Variants in WDPCP observed in about 807,000 individuals in gnomAD.
WDPCP encodes WD repeat-containing and planar cell polarity effector protein fritz homolog.
WDPCP carries 71 observed loss-of-function variants against 93.1 expected under a neutral mutation model. The ratio of observed to expected loss-of-function variants is 0.76; its 90% CI spans 0.63 to 0.93. The LOEUF (loss-of-function observed/expected upper bound fraction) is 0.93, where lower values mean the gene tolerates loss of function less well. Among genes scored for constraint, WDPCP ranks in the 40% least tolerant of loss-of-function variants. The pLI is 0.00. For synonymous variants in WDPCP, 315 were observed against 315.0 expected (o/e 1.00, Z 0.00); for missense variants, 844 against 887.4 (o/e 0.95, Z 0.62).
intron 10 of WDPCP, among the ~76,000 whole-genome samples, chr2:63,402,774 A>G (rs1694251961): frequency 6.6e-6 from 1 of 152,224 alleles, no homozygotes; most frequent in Non-Finnish European, 1.5e-5. Context: ...AAGTAAAAAA[A>G]TAACAGATGC....
intron 13 of WDPCP, among the ~76,000 whole-genome samples, chr2:63,300,395 G>A (rs1685235181): frequency 6.6e-6 from 1 of 152,150 alleles, no homozygotes; most frequent in African/African-American, 2.4e-5. Context: ...CTTTCCTTCT[G>A]AGGCTCTCAG....
At chr2:63,189,827 T>C (rs191604588) in intron 14 of WDPCP, among the ~76,000 whole-genome samples, 6 of 152,304 alleles carry the variant, frequency 3.9e-5, no homozygotes, top group Admixed American at 3.9e-4. Context: ...TCTATTAACA[T>C]ACTTATTTTC....
chr2:63,599,158 C>T, intron 3 of WDPCP: 3 of 1,612,106 alleles, frequency 1.9e-6, no homozygotes, highest in Non-Finnish European at 2.5e-6. Context: ...CAGTGCCTTC[C>T]ATTCCTCCTA....
intron 6 of WDPCP, among the ~76,000 whole-genome samples, chr2:63,465,027 A>T (rs1699252218): frequency 6.6e-6 from 1 of 152,124 alleles, no homozygotes; most frequent in South Asian, 2.1e-4. Context: ...ATTGTGTTTT[A>T]AAAACACAGT....
intron 3 of WDPCP, among the ~76,000 whole-genome samples, chr2:63,612,090 C>T (rs1343176192): frequency 6.6e-6 from 1 of 152,164 alleles, no homozygotes. Context: ...TAGTCCAATC[C>T]AGACTTGCTC....
intron 14 of WDPCP, among the ~76,000 whole-genome samples, chr2:63,223,208 A>T (rs985380808): frequency 6.6e-6 from 1 of 152,184 alleles, no homozygotes; most frequent in African/African-American, 2.4e-5. Context: ...TATGAATTCT[A>T]TTCATACTTG....
chr2:63,331,785 A>G (rs909355546), intron 12 of WDPCP, among the ~76,000 whole-genome samples: 24 of 152,170 alleles, frequency 1.6e-4, no homozygotes, highest in Admixed American at 1.4e-3. Flanking sequence ...AACAGAATAT[A>G]GTCTAAAATG....
intron 10 of WDPCP, among the ~76,000 whole-genome samples, chr2:63,392,703 A>C (rs1389742927): frequency 6.6e-6 from 1 of 152,208 alleles, no homozygotes; most frequent in South Asian, 2.1e-4. Flanking sequence ...AAAAACAAAC[A>C]ACCCCATCAA....
chr2:63,299,414 T>TA, intron 13 of WDPCP, among the ~76,000 whole-genome samples: 1 of 152,318 alleles, frequency 6.6e-6, no homozygotes, highest in South Asian at 2.1e-4. Context: ...ACCCTGTCCC[T>TA]ACTGTAAAAA....
chr2:63,492,763 G>A (rs1226668265), intron 2 of WDPCP, 93 bp downstream of exon 2: 13 of 1,147,656 alleles, frequency 1.1e-5, no homozygotes, highest in Non-Finnish European at 1.7e-5. Context: ...TGCAACTCCA[G>A]CTGGAGAATT....
chr2:63,298,249 C>T (rs747889866), intron 13 of WDPCP, among the ~76,000 whole-genome samples: 4 of 152,162 alleles, frequency 2.6e-5, no homozygotes, highest in Middle Eastern at 3.4e-3. Flanking sequence ...TGCCACCCAG[C>T]CACATATCTT....
intron 15 of WDPCP, among the ~76,000 whole-genome samples, chr2:63,156,166 AT>A (rs968834950): frequency 9.4e-5 from 14 of 148,986 alleles, no homozygotes; most frequent in African/African-American, 1.2e-4. Context: ...CACCCGGCTA[AT>A]TTTTTTTTTA....
At chr2:63,617,376 G>A (rs959175487) in intron 3 of WDPCP, among the ~76,000 whole-genome samples, 3 of 152,146 alleles carry the variant, frequency 2.0e-5, no homozygotes, top group Non-Finnish European at 2.9e-5. Context: ...GTTTGAGAGG[G>A]AAAAATGCTT....
At chr2:63,273,121 A>G (rs1376848642) in intron 13 of WDPCP, among the ~76,000 whole-genome samples, 3 of 152,226 alleles carry the variant, frequency 2.0e-5, no homozygotes, top group Admixed American at 2.0e-4. Flanking sequence ...CATGTCAGCC[A>G]AGAGTACTGT....
intron 2 of WDPCP, among the ~76,000 whole-genome samples, chr2:63,701,489 T>G (rs2103707692): frequency 6.6e-6 from 1 of 152,300 alleles, no homozygotes; most frequent in East Asian, 1.9e-4. Context: ...TTCAGCAATT[T>G]TTCTAGTTAT....
rs372470451 is a variant in WDPCP, at chr2:63,607,031, A to C, written n.488+43628T>G. ...AAATGCTTCAAAGCTGAAGAATCTA[A>C]ATGTCGTCTTTGACTCAAGTACCAA... On this transcript the variant is annotated intron_variant and non_coding_transcript_variant, in intron 3 of 4. Transcript: ENST00000467687. The C allele has an allele frequency of 8.9e-6, 14 of 1,568,772 alleles. No individual in the cohort carries two copies. In the African/African-American group the frequency reaches 1.9e-4, roughly 22 times the overall value.
chr2:63,153,589 T>A lies in WDPCP; in HGVS notation c.2079-15A>T. ...CAATTATTTGTCTGCAGTATATGGG[T>A]GTTTTTAATTGGAAAAAGGATTAAA... On this transcript the variant is annotated splice_polypyrimidine_tract_variant and intron_variant, in intron 15 of 17. Transcript: ENST00000272321. 6.3e-7 allele frequency: 1 copy of A among 1,589,604 alleles called. No homozygotes were observed. The highest frequency in any genetic ancestry group is 8.6e-7 in the Non-Finnish European group (1 of 1,164,262).
At chr2:63,336,707 C>A (rs554838041) in intron 12 of WDPCP, among the ~76,000 whole-genome samples, 76 of 151,846 alleles carry the variant, frequency 5.0e-4, no homozygotes, top group African/African-American at 1.8e-3. Flanking sequence ...GATTTCAGAT[C>A]TCTCCTCTTT....
chr2:63,201,155 GCACCTT>G (rs1302536737), intron 14 of WDPCP, among the ~76,000 whole-genome samples: 1 of 152,048 alleles, frequency 6.6e-6, no homozygotes, highest in Non-Finnish European at 1.5e-5. Context: ...AAAGTGTGTG[GCACCTT>G]CACCTTCACC....
Sources: allele counts gnomAD v4.1 joint callset (sites outside exome capture counted in the v4.1 genomes callset), GRCh38; gene constraint gnomAD v4.1.1; transcripts MANE v1.5; gene names NCBI Gene and HGNC (gene_info 2026-07-23, HGNC 2026-07-21).